Variants in TAFA2 observed in about 807,000 individuals in gnomAD.
TAFA2 encodes TAFA chemokine like family member 2, also known as chemokine-like protein TAFA-2.
A neutral mutation model predicts 18.8 loss-of-function variants in TAFA2; 7 were observed. The ratio of observed to expected loss-of-function variants is 0.37; its 90% CI spans 0.21 to 0.70. The LOEUF is 0.70. TAFA2 is among the 30% of genes least tolerant of loss of function. The probability of loss-of-function intolerance (pLI) is 0.53; values close to 1 mark genes in which losing one functional copy is unlikely to be tolerated. For missense variants in TAFA2, 122 were observed against 158.1 expected (o/e 0.77, Z 1.23); for synonymous variants, 60 against 54.2 (o/e 1.11, Z -0.47).
At chr12:62,190,034 G>A (rs1565775022) in intron 1 of TAFA2, among the ~76,000 whole-genome samples, 1 of 151,240 alleles carries the variant, frequency 6.6e-6, no homozygotes. Flanking sequence ...ATCCAAGAGG[G>A]GATTTCATAC....
chr12:61,732,069 G>T (rs998945985), intron 4 of TAFA2, among the ~76,000 whole-genome samples: 3 of 152,102 alleles, frequency 2.0e-5, no homozygotes, highest in Admixed American at 6.6e-5. Flanking sequence ...GAGAGAAAGA[G>T]AGGGACTTTT....
At chr12:61,840,229 G>A (rs911487457) in intron 2 of TAFA2, among the ~76,000 whole-genome samples, 1 of 151,930 alleles carries the variant, frequency 6.6e-6, no homozygotes, top group Non-Finnish European at 1.5e-5. Flanking sequence ...GCATTTTTAG[G>A]TTAATTCTGA....
intron 4 of TAFA2, among the ~76,000 whole-genome samples, chr12:61,750,296 G>A (rs866423344): frequency 2.8e-4 from 42 of 152,036 alleles, no homozygotes; most frequent in Non-Finnish European, 1.9e-4. Flanking sequence ...TAAAAGAGAC[G>A]GTTATAGATG....
intron 1 of TAFA2, among the ~76,000 whole-genome samples, chr12:62,076,981 TTCC>T (rs1868253703): frequency 6.6e-6 from 1 of 152,210 alleles, no homozygotes; most frequent in Admixed American, 6.5e-5. Flanking sequence ...GAGTTTTAGA[TTCC>T]TCATTATATT....
chr12:62,155,258 T>C (rs563263108), intron 1 of TAFA2, among the ~76,000 whole-genome samples: 77 of 152,234 alleles, frequency 5.1e-4, no homozygotes, highest in African/African-American at 1.7e-3. Flanking sequence ...GAAAGACCTC[T>C]ACAAGTAAAA....
chr12:61,865,181 C>A (rs1320331011), intron 2 of TAFA2, among the ~76,000 whole-genome samples: 2 of 152,156 alleles, frequency 1.3e-5, no homozygotes, highest in Non-Finnish European at 2.9e-5. Flanking sequence ...CTTACCTTAA[C>A]CATTTAGAAT....
At chr12:61,746,609 C>A (rs1485621375) in intron 4 of TAFA2, among the ~76,000 whole-genome samples, 2 of 152,076 alleles carry the variant, frequency 1.3e-5, no homozygotes, top group Non-Finnish European at 2.9e-5. Flanking sequence ...CTACACTGTG[C>A]CTGGACATCT....
chr12:61,936,071 A>G (rs1877753882), intron 1 of TAFA2, among the ~76,000 whole-genome samples: 1 of 152,176 alleles, frequency 6.6e-6, no homozygotes, highest in South Asian at 2.1e-4. Flanking sequence ...TCACAGTCCA[A>G]TATCCTCATC....
intron 1 of TAFA2, among the ~76,000 whole-genome samples, chr12:62,135,449 C>T (rs1870857620): frequency 6.6e-6 from 1 of 152,004 alleles, no homozygotes; most frequent in Non-Finnish European, 1.5e-5. Flanking sequence ...TTTGAAAACT[C>T]AACTACTCAA....
chr12:61,936,859 A>C (rs909656817), intron 1 of TAFA2, among the ~76,000 whole-genome samples: 7 of 152,140 alleles, frequency 4.6e-5, no homozygotes, highest in African/African-American at 1.7e-4. Context: ...TCCAAATTGG[A>C]AAATAGGAAA....
chr12:62,047,717 T>C (rs1592303888), intron 1 of TAFA2, among the ~76,000 whole-genome samples: 1 of 152,208 alleles, frequency 6.6e-6, no homozygotes, highest in Non-Finnish European at 1.5e-5. Context: ...AAAAGAATTG[T>C]CATTTTACTA....
intron 2 of TAFA2, among the ~76,000 whole-genome samples, chr12:61,854,194 A>G (rs550213559): frequency 3.1e-4 from 47 of 152,286 alleles, no homozygotes; most frequent in Non-Finnish European, 6.0e-4. Flanking sequence ...AATAATTTTA[A>G]ATGGAGGACA....
intron 1 of TAFA2, among the ~76,000 whole-genome samples, chr12:62,049,632 T>C (rs1881998519): frequency 6.6e-6 from 1 of 152,026 alleles, no homozygotes; most frequent in Non-Finnish European, 1.5e-5. Flanking sequence ...AGATTGACAA[T>C]AAAGGGATGT....
chr12:61,741,758 A>G (rs920956170), intron 4 of TAFA2, among the ~76,000 whole-genome samples: 1 of 152,128 alleles, frequency 6.6e-6, no homozygotes, highest in South Asian at 2.1e-4. Context: ...CATAATTTTT[A>G]AAAAATCTGA....
chr12:62,186,861 T>C (rs2062589487), intron 1 of TAFA2, among the ~76,000 whole-genome samples: 2 of 152,162 alleles, frequency 1.3e-5, no homozygotes, highest in South Asian at 4.1e-4. Flanking sequence ...ACTAGAAACC[T>C]TATGTTTTCC....
intron 1 of TAFA2, among the ~76,000 whole-genome samples, chr12:61,930,155 T>TA (rs1004048184): frequency 6.6e-5 from 10 of 151,072 alleles, no homozygotes; most frequent in African/African-American, 2.4e-4. Context: ...TTAATAATAA[T>TA]AAAAAAATAA....
intron 1 of TAFA2, among the ~76,000 whole-genome samples, chr12:61,950,226 G>A: frequency 6.6e-6 from 1 of 152,046 alleles, no homozygotes; most frequent in Non-Finnish European, 1.5e-5. Context: ...CTATGAAAAA[G>A]GGTGTGCAAA....
intron 2 of TAFA2, among the ~76,000 whole-genome samples, chr12:61,777,816 T>C (rs1417571767): frequency 6.6e-6 from 1 of 151,906 alleles, no homozygotes; most frequent in African/African-American, 2.4e-5. Context: ...GTTCAGTAAG[T>C]ACTCTGTAAA....
chr12:62,157,735 T>C lies in TAFA2; in HGVS notation c.-2+33524A>G, dbSNP rs374205339. ...ATCCTGACTAAAGTAGCTAACATCC[T>C]CCAGCCCCTCCTTCCCTAAACGAGT... On this transcript the variant is annotated intron_variant, in intron 1 of 4. Coordinates refer to ENST00000416284, the MANE Select transcript of TAFA2 (RefSeq NM_178539.5). Among the ~76,000 whole-genome samples the C allele has an allele frequency of 2.6e-5, 4 of 152,164 alleles. No individual in the cohort carries two copies. The East Asian group carries it at 7.7e-4, about 29-fold the overall frequency.
Sources: gnomAD v4.1 joint callset for allele counts (sites outside exome capture counted in the v4.1 genomes callset) on GRCh38, gnomAD v4.1.1 for gene constraint, MANE v1.5 for transcripts, NCBI Gene and HGNC (gene_info 2026-07-23, HGNC 2026-07-21) for gene names.